The following SYTL3 variants were observed in gnomAD, a reference collection of about 807,000 sequenced individuals.
SYTL3 encodes synaptotagmin-like protein 3.
SYTL3 carries 88 observed loss-of-function variants against 82.1 expected under a neutral mutation model. The observed-to-expected ratio is 1.07, with a 90% CI of 0.90 to 1.28. The LOEUF (loss-of-function observed/expected upper bound fraction) is 1.28, where lower values mean the gene tolerates loss of function less well. Among genes scored for constraint, SYTL3 ranks in the 50% most tolerant of loss-of-function variants. The pLI is 0.00. For missense variants in SYTL3, 831 were observed against 757.6 expected (o/e 1.10, Z -1.14); for synonymous variants, 311 against 289.4 (o/e 1.07, Z -0.76).
chr6:158,752,689 G>C (rs528158940), intron 13 of SYTL3, among the ~76,000 whole-genome samples: 2 of 152,224 alleles, frequency 1.3e-5, no homozygotes, highest in Admixed American at 1.3e-4. Flanking sequence ...GGGTGAGGGG[G>C]GTAGCCCAGA....
chr6:158,666,551 A>G (rs1446356970), intron 5 of SYTL3, among the ~76,000 whole-genome samples: 3 of 152,214 alleles, frequency 2.0e-5, no homozygotes, highest in Non-Finnish European at 4.4e-5. Flanking sequence ...GCACAAGGAC[A>G]TCACAGAACT....
chr6:158,681,665 AAACAAC>A lies in SYTL3; in HGVS notation c.330-1248_330-1243del, dbSNP rs942945404. Among the ~76,000 whole-genome samples, 15 of 152,184 alleles carry A rather than the reference AAACAAC, an allele frequency of 9.9e-5. No homozygotes were observed. In the East Asian group the frequency reaches 2.5e-3, roughly 25 times the overall value. ...TGCACTCCAGCCTGGGCCACCAGAA[AAACAAC>A]AACAACAACAAGAACAAGTTGTCCA... On this transcript the variant is annotated intron_variant, in intron 5 of 17. Transcript: ENST00000611299.
intron 8 of SYTL3, among the ~76,000 whole-genome samples, chr6:158,712,845 G>A (rs1343516416): frequency 1.4e-5 from 2 of 147,864 alleles, no homozygotes; most frequent in African/African-American, 2.5e-5. Context: ...TGCAAGCTCC[G>A]CCTCCCGGGT....
intron 5 of SYTL3, among the ~76,000 whole-genome samples, chr6:158,666,036 G>C (rs1446692566): frequency 1.3e-5 from 2 of 152,142 alleles, no homozygotes; most frequent in Non-Finnish European, 2.9e-5. Context: ...ATTTGAACCT[G>C]GGAGCTGTGA....
upstream of SYTL3, among the ~76,000 whole-genome samples, chr6:158,648,403 A>G (rs979523587): frequency 3.9e-5 from 6 of 152,074 alleles, no homozygotes; most frequent in Middle Eastern, 3.4e-3. Flanking sequence ...CATCCTGGCT[A>G]ACACGGTGAA....
intron 11 of SYTL3, among the ~76,000 whole-genome samples, chr6:158,733,810 C>A (rs192561130): frequency 6.3e-4 from 96 of 151,340 alleles, no homozygotes; most frequent in South Asian, 1.3e-3. Flanking sequence ...CAAGAAGCAC[C>A]CTTTTGGCCG....
Position 158,763,568 on chromosome 6 carries a change from G to A in SYTL3, c.1723+59G>A, listed in dbSNP as rs373405018. 2.1e-4 allele frequency: 315 copies of A among 1,473,568 alleles called. 2 individuals are homozygous for A. The highest frequency in any genetic ancestry group is 3.6e-4 in the East Asian group (16 of 44,090). 91.3% of individuals were successfully genotyped at this position (1,473,568 alleles called of 1,614,324 possible). A position where few individuals can be genotyped will look rare whatever the true frequency, so the allele number is the denominator to read the frequency against. On this transcript the variant is annotated intron_variant, in intron 17 of 17. Transcript: ENST00000611299. ...CTTTGTGATTATCCTAATGGGTACC[G>A]TGCAAAGAAAATGCTTCCACCAGGG...
intron 6 of SYTL3, among the ~76,000 whole-genome samples, chr6:158,701,208 TGGG>T (rs1781198132): frequency 2.9e-5 from 3 of 104,114 alleles, no homozygotes; most frequent in Admixed American, 9.1e-5. Flanking sequence ...GAGTGTGAGC[TGGG>T]GTGTAGATGA....
rs1188730948 is a variant in SYTL3 at position 158,725,656 on chromosome 6, CTCT to C, written c.855+21_855+23del. The C allele has an allele frequency of 3.1e-6, 5 of 1,596,016 alleles. No homozygotes were observed. The highest frequency in any genetic ancestry group is 2.2e-5 in the East Asian group (1 of 44,826). On this transcript the variant is annotated intron_variant, in intron 11 of 17. Coordinates refer to ENST00000611299, the MANE Select transcript of SYTL3 (RefSeq NM_001242394.2). ...TAGACACGTGAGTCTCATTCCAATGCTCTTTTTTTGTTTTTTTGTTTTTTGTTT... is the reference window on the plus strand; with the variant it reads ...TAGACACGTGAGTCTCATTCCAATGCTTTTTTGTTTTTTTGTTTTTTGTTT...
intron 11 of SYTL3, among the ~76,000 whole-genome samples, chr6:158,731,548 C>G (rs1180158170): frequency 6.6e-6 from 1 of 152,004 alleles, no homozygotes. Flanking sequence ...CCAAAGTTAT[C>G]TCTCTTTTTC....
intron 6 of SYTL3, among the ~76,000 whole-genome samples, chr6:158,703,370 A>G (rs1340343404): frequency 6.6e-6 from 1 of 152,118 alleles, no homozygotes; most frequent in African/African-American, 2.4e-5. Context: ...CTCGCCAGCC[A>G]GACCGGGCAG....
upstream of SYTL3, among the ~76,000 whole-genome samples, chr6:158,649,520 C>G (rs954086154): frequency 6.6e-6 from 1 of 152,224 alleles, no homozygotes; most frequent in Admixed American, 6.5e-5. Context: ...CTTGGCCATG[C>G]CTGAGTTAGC....
At chr6:158,692,387 A>C (rs1054389653) in intron 6 of SYTL3, among the ~76,000 whole-genome samples, 1 of 151,846 alleles carries the variant, frequency 6.6e-6, no homozygotes, top group African/African-American at 2.4e-5. Flanking sequence ...GCTAAGGCTT[A>C]ACATAGCCTC....
intron 11 of SYTL3, among the ~76,000 whole-genome samples, chr6:158,732,302 G>A (rs920605712): frequency 9.2e-5 from 14 of 152,192 alleles, no homozygotes; most frequent in African/African-American, 3.1e-4. Flanking sequence ...ACAAGGACAA[G>A]ACTGAAGTCT....
intron 6 of SYTL3, among the ~76,000 whole-genome samples, chr6:158,694,047 C>T (rs1368175029): frequency 6.6e-6 from 1 of 151,928 alleles, no homozygotes; most frequent in Non-Finnish European, 1.5e-5. Context: ...TGTTACTACT[C>T]TCCTTAAGAG....
chr6:158,726,346 C>T, intron 11 of SYTL3: 2 of 355,400 alleles, frequency 5.6e-6, no homozygotes, highest in South Asian at 5.6e-5. Flanking sequence ...ATGTCCCCTG[C>T]ATGAACTTGT....
At chr6:158,700,789 T>G (rs1192180953) in intron 6 of SYTL3, among the ~76,000 whole-genome samples, 1 of 152,156 alleles carries the variant, frequency 6.6e-6, no homozygotes, top group Non-Finnish European at 1.5e-5. Flanking sequence ...GCTAATTTTT[T>G]GTACTTTTAG....
intron 6 of SYTL3, among the ~76,000 whole-genome samples, chr6:158,700,502 A>G (rs1010748478): frequency 2.8e-4 from 42 of 152,176 alleles, no homozygotes; most frequent in African/African-American, 9.7e-4. Context: ...TGTAAGCTAA[A>G]TTGTGCAAAA....
upstream of SYTL3, among the ~76,000 whole-genome samples, chr6:158,645,817 C>T (rs1020567520): frequency 1.3e-5 from 2 of 152,154 alleles, no homozygotes; most frequent in African/African-American, 4.8e-5. Context: ...AGTTGTCAGA[C>T]TATAGACTAA....
Sources: allele counts gnomAD v4.1 joint callset (sites outside exome capture counted in the v4.1 genomes callset), GRCh38; gene constraint gnomAD v4.1.1; transcripts MANE v1.5; gene names NCBI Gene and HGNC (gene_info 2026-07-23, HGNC 2026-07-21).